Variants in NVL observed in about 807,000 individuals in gnomAD.
The protein encoded by NVL is nuclear valosin-containing protein-like.
NVL carries 84 observed loss-of-function variants against 110.2 expected under a neutral mutation model. The observed-to-expected ratio is 0.76, with a 90% CI of 0.64 to 0.91. The LOEUF (loss-of-function observed/expected upper bound fraction) is 0.91, where lower values mean the gene tolerates loss of function less well. Ranked by LOEUF, NVL falls within the 40% of genes least tolerant of loss-of-function variation. The probability of loss-of-function intolerance (pLI) is 0.00; values close to 1 mark genes in which losing one functional copy is unlikely to be tolerated. For synonymous variants in NVL, 354 were observed against 361.1 expected, an observed-to-expected ratio of 0.98 and a Z score of 0.22; for missense variants, 882 against 1,035.9, an observed-to-expected ratio of 0.85 and a Z score of 2.04.
intron 4 of NVL, among the ~76,000 whole-genome samples, chr1:224,313,421 A>G (rs1345052390): frequency 6.6e-6 from 1 of 152,160 alleles, no homozygotes; most frequent in Non-Finnish European, 1.5e-5. Context: ...TAAGCATATC[A>G]GCATAAAACA....
At chr1:224,262,989 A>G (rs1454039337) in intron 18 of NVL, among the ~76,000 whole-genome samples, 2 of 152,186 alleles carry the variant, frequency 1.3e-5, no homozygotes, top group Non-Finnish European at 2.9e-5. Context: ...AAGGGTGAAC[A>G]TAAGATAACT....
Position 224,287,780 on chromosome 1 carries a change from T to C in NVL, c.1789A>G (p.Ile597Val). The C allele has an allele frequency of 1.2e-6, 2 of 1,613,622 alleles. No homozygotes were observed. Among genetic ancestry groups the C allele is most frequent in the South Asian group, 1.1e-5 (1 of 91,072 alleles). ...EDIREELTMAILAPVRNPDQF... is the reference protein window; with the variant it reads ...EDIREELTMAVLAPVRNPDQF... ...TTGGCAGCTGATATACCTACCAATA[T>C]TGCCATGGTGAGCTCCTCTCTAATG... Residue 597 changes from isoleucine (I) to valine (V), a missense_variant, in exon 14 of 23, where the codon ATA becomes GTA. Physicochemically the swap from Ile to Val is conservative, Grantham distance 29. Coordinates refer to ENST00000281701, the MANE Select transcript of NVL (RefSeq NM_002533.4).
intron 19 of NVL, among the ~76,000 whole-genome samples, chr1:224,243,874 T>G (rs554458059): frequency 6.6e-6 from 1 of 151,788 alleles, no homozygotes; most frequent in African/African-American, 2.4e-5. Context: ...TTTGGCCAAG[T>G]AGGTCTCGAA....
chr1:224,326,265 G>A, intron 2 of NVL, 126 bp downstream of exon 2: 1 of 639,638 alleles, frequency 1.6e-6, no homozygotes, highest in Non-Finnish European at 2.8e-6. Context: ...TGAGTTCCAA[G>A]ATTATGGATT....
rs1476677736 is a variant in NVL at position 224,326,398 on chromosome 1, C to A, written c.124G>T (p.Val42Leu). The A allele has an allele frequency of 1.2e-6, 2 of 1,609,468 alleles. No homozygotes were observed. Among genetic ancestry groups the A allele is most frequent in the Non-Finnish European group, 1.7e-6 (2 of 1,176,740 alleles). Reference protein sequence around the residue: ...IGVLASDLQRVYSIDYGRRKR... With the variant: ...IGVLASDLQRLYSIDYGRRKR... Reference sequence around the variant, plus strand: ...GAAACTATATTTATTTACCTGTACACTCTTTGTAAATCAGACGCTAAGACT... The same window carrying A: ...GAAACTATATTTATTTACCTGTACAATCTTTGTAAATCAGACGCTAAGACT... Residue 42 changes from valine to leucine, a missense_variant, in exon 2 of 23, where the codon GTG becomes TTG. Val to Leu is a conservative substitution (Grantham distance 32). Transcript: ENST00000281701.
intron 22 of NVL, 87 bp downstream of exon 22, chr1:224,231,139 A>G (rs1659835764): frequency 1.0e-6 from 1 of 963,754 alleles, no homozygotes; most frequent in East Asian, 2.5e-5. Context: ...TCTCAAAAAA[A>G]AAAAAAAAGA....
intron 16 of NVL, among the ~76,000 whole-genome samples, chr1:224,280,186 T>G (rs997782543): frequency 2.0e-5 from 3 of 150,850 alleles, no homozygotes; most frequent in African/African-American, 2.4e-5. Flanking sequence ...TTTGTTTTTT[T>G]TTTTTTTGCT....
At chr1:224,238,121 C>T (rs61826432) in intron 19 of NVL, among the ~76,000 whole-genome samples, 5,387 of 152,050 alleles carry the variant, frequency 0.035, 160 homozygotes, top group Non-Finnish European at 0.051. Context: ...GCAACCTCCA[C>T]CTCCCGGGCT....
intron 10 of NVL, 117 bp from the exon 11 acceptor site, chr1:224,296,735 A>T: frequency 1.6e-6 from 1 of 642,336 alleles, no homozygotes; most frequent in Non-Finnish European, 2.6e-6. Context: ...TGCCAAAAGA[A>T]TAACCCTAAA....
At chr1:224,243,455 T>TGAA (rs1248911353) in intron 19 of NVL, among the ~76,000 whole-genome samples, 1 of 151,916 alleles carries the variant, frequency 6.6e-6, no homozygotes, top group Non-Finnish European at 1.5e-5. Flanking sequence ...AGCAAGACCT[T>TGAA]GTCTCAACAA....
intron 12 of NVL, among the ~76,000 whole-genome samples, chr1:224,292,321 GGTTAT>G (rs1362110814): frequency 2.6e-5 from 4 of 152,104 alleles, no homozygotes; most frequent in Admixed American, 6.6e-5. Flanking sequence ...TATTGTGCTA[GGTTAT>G]GTTAATTCAA....
At chr1:224,327,888 C>T (rs1182924194) in intron 1 of NVL, among the ~76,000 whole-genome samples, 4 of 151,608 alleles carry the variant, frequency 2.6e-5, no homozygotes, top group East Asian at 1.9e-4. Context: ...GACTGAACAA[C>T]GAGAACAAAG....
intron 15 of NVL, among the ~76,000 whole-genome samples, chr1:224,282,328 A>T (rs958325206): frequency 1.3e-5 from 2 of 152,348 alleles, no homozygotes; most frequent in African/African-American, 4.8e-5. Flanking sequence ...AATCAAATGG[A>T]AATGACACAA....
At chr1:224,230,754 G>C (rs1659784755) in intron 22 of NVL, among the ~76,000 whole-genome samples, 1 of 152,086 alleles carries the variant, frequency 6.6e-6, no homozygotes, top group Non-Finnish European at 1.5e-5. Context: ...TCTCACAAAG[G>C]CAATTATTTT....
chr1:224,262,044 A>G (rs1380617583), intron 18 of NVL, among the ~76,000 whole-genome samples: 1 of 152,218 alleles, frequency 6.6e-6, no homozygotes. Flanking sequence ...GTGAGAGGAC[A>G]GTATTTTCAT....
intron 21 of NVL, among the ~76,000 whole-genome samples, chr1:224,231,515 T>C (rs770878121): frequency 1.3e-5 from 2 of 152,202 alleles, no homozygotes; most frequent in South Asian, 2.1e-4. Flanking sequence ...CACTCATAAG[T>C]TGGTAACTTT....
At chr1:224,253,911 G>A (rs1173276158) in intron 18 of NVL, among the ~76,000 whole-genome samples, 1 of 152,060 alleles carries the variant, frequency 6.6e-6, no homozygotes, top group Non-Finnish European at 1.5e-5. Context: ...AGTGCTTACT[G>A]TGGCTTTAAT....
chr1:224,293,348 C>T (rs149951416), intron 12 of NVL, among the ~76,000 whole-genome samples: 2 of 152,126 alleles, frequency 1.3e-5, no homozygotes, highest in East Asian at 3.9e-4. Context: ...GGATTACAGG[C>T]GTGAGCCACC....
intron 18 of NVL, among the ~76,000 whole-genome samples, chr1:224,267,486 A>C (rs1664605813): frequency 6.6e-6 from 1 of 152,016 alleles, no homozygotes; most frequent in African/African-American, 2.4e-5. Flanking sequence ...TCAGGAGTTC[A>C]AGACCAGCCT....
Sources: allele counts gnomAD v4.1 joint callset (sites outside exome capture counted in the v4.1 genomes callset), GRCh38; gene constraint gnomAD v4.1.1; transcripts MANE v1.5; gene names NCBI Gene and HGNC (gene_info 2026-07-23, HGNC 2026-07-21).